Variants in KCTD8 observed in about 807,000 individuals in gnomAD.
KCTD8 encodes BTB/POZ domain-containing protein KCTD8.
A neutral mutation model predicts 31.5 loss-of-function variants in KCTD8; 27 were observed. That is an observed-to-expected ratio of 0.86 (90% CI 0.63 to 1.18). The LOEUF (loss-of-function observed/expected upper bound fraction) is 1.18, where lower values mean the gene tolerates loss of function less well. Ranked by LOEUF, KCTD8 falls within the 50% of genes most tolerant of loss-of-function variation. KCTD8 has a pLI of 0.00. For synonymous variants in KCTD8, 290 were observed against 280.0 expected, an observed-to-expected ratio of 1.04 and a Z score of -0.36; for missense variants, 658 against 647.7, an observed-to-expected ratio of 1.02 and a Z score of -0.17.
chr4:44,347,342 A>G (rs1719060632), intron 1 of KCTD8, among the ~76,000 whole-genome samples: 1 of 152,180 alleles, frequency 6.6e-6, no homozygotes, highest in African/African-American at 2.4e-5. Context: ...GTTCTTCAAT[A>G]TTACCAATGT....
intron 1 of KCTD8, among the ~76,000 whole-genome samples, chr4:44,304,099 G>A (rs1717727969): frequency 6.6e-6 from 1 of 152,052 alleles, no homozygotes; most frequent in Non-Finnish European, 1.5e-5. Context: ...TCCAACTTGA[G>A]ACACCAGAAT....
intron 1 of KCTD8, among the ~76,000 whole-genome samples, chr4:44,243,819 T>C (rs1441999844): frequency 1.3e-5 from 2 of 152,252 alleles, no homozygotes; most frequent in African/African-American, 4.8e-5. Context: ...TGGCTGGTGA[T>C]AGAAACATTT....
chr4:44,174,938 A>G lies in KCTD8; in HGVS notation c.1274T>C (p.Leu425Pro). 6.2e-7 allele frequency: 1 copy of G among 1,614,052 alleles called. No homozygotes were observed. Among genetic ancestry groups the G allele is most frequent in the Non-Finnish European group, 8.5e-7 (1 of 1,179,988 alleles). ...TLISKSRETNLSKKKVCEKLS... is the reference protein window; with the variant it reads ...TLISKSRETNPSKKKVCEKLS... The stretch of plus-strand genomic sequence containing the variant: ...CTTCTCACAGACTTTCTTTTTGGAC[A>G]GATTTGTTTCCCGGGACTTGCTGAT... The change falls in exon 2 of 2, where the codon CTG becomes CCG. Residue 425 changes from leucine (L) to proline (P), a missense_variant. Physicochemically the swap from Leu to Pro is moderately conservative, Grantham distance 98. Coordinates refer to ENST00000360029, the MANE Select transcript of KCTD8 (RefSeq NM_198353.3).
intron 1 of KCTD8, among the ~76,000 whole-genome samples, chr4:44,318,981 A>T (rs1718216693): frequency 6.6e-6 from 1 of 152,232 alleles, no homozygotes; most frequent in Non-Finnish European, 1.5e-5. Flanking sequence ...GTAAGATGGC[A>T]GGAAGGAGAA....
intron 1 of KCTD8, among the ~76,000 whole-genome samples, chr4:44,399,290 G>T (rs1720586579): frequency 6.6e-6 from 1 of 152,128 alleles, no homozygotes; most frequent in African/African-American, 2.4e-5. Context: ...ATTAGTGAAA[G>T]AATTCAGGCA....
chr4:44,327,312 G>C (rs1718475928), intron 1 of KCTD8, among the ~76,000 whole-genome samples: 1 of 151,774 alleles, frequency 6.6e-6, no homozygotes. Context: ...ACACATACTA[G>C]TCTCAGAATC....
intron 1 of KCTD8, among the ~76,000 whole-genome samples, chr4:44,270,046 T>C (rs1275988608): frequency 1.3e-5 from 2 of 152,130 alleles, no homozygotes; most frequent in African/African-American, 2.4e-5. Context: ...ACTGGGTATA[T>C]ACCCAAAGGA....
chr4:44,228,073 T>C (rs762604133), intron 1 of KCTD8, among the ~76,000 whole-genome samples: 69 of 152,290 alleles, frequency 4.5e-4, no homozygotes, highest in Non-Finnish European at 8.5e-4. Flanking sequence ...TGATTTGGCC[T>C]CATCTATCTT....
intron 1 of KCTD8, among the ~76,000 whole-genome samples, chr4:44,355,681 T>C (rs1719324050): frequency 6.6e-6 from 1 of 152,184 alleles, no homozygotes; most frequent in Non-Finnish European, 1.5e-5. Context: ...GTAGCGTATT[T>C]AGATAAACAG....
At chr4:44,269,096 C>G (rs1396710001) in intron 1 of KCTD8, among the ~76,000 whole-genome samples, 1 of 152,042 alleles carries the variant, frequency 6.6e-6, no homozygotes, top group Non-Finnish European at 1.5e-5. Context: ...AATCCTAAGC[C>G]AAAAGAACAA....
intron 1 of KCTD8, among the ~76,000 whole-genome samples, chr4:44,253,147 A>G (rs1294162437): frequency 6.6e-6 from 1 of 151,588 alleles, no homozygotes; most frequent in African/African-American, 2.4e-5. Flanking sequence ...TTCTTGTTCA[A>G]CTTCACTAGA....
intron 1 of KCTD8, among the ~76,000 whole-genome samples, chr4:44,251,135 T>C (rs536412539): frequency 6.6e-6 from 1 of 151,894 alleles, no homozygotes; most frequent in African/African-American, 2.4e-5. Flanking sequence ...CAACACTTAC[T>C]AGTCTTCCTA....
chr4:44,271,283 A>C (rs1369079694), intron 1 of KCTD8, among the ~76,000 whole-genome samples: 3 of 152,170 alleles, frequency 2.0e-5, no homozygotes, highest in Non-Finnish European at 4.4e-5. Flanking sequence ...ATCCTCTAGA[A>C]GGTATATTCA....
At chr4:44,281,481 A>T (rs1716904386) in intron 1 of KCTD8, among the ~76,000 whole-genome samples, 1 of 151,996 alleles carries the variant, frequency 6.6e-6, no homozygotes, top group Non-Finnish European at 1.5e-5. Flanking sequence ...TCTGGACACT[A>T]CTCTGAACAA....
At chr4:44,233,743 G>GA (rs1209709965) in intron 1 of KCTD8, among the ~76,000 whole-genome samples, 1 of 151,992 alleles carries the variant, frequency 6.6e-6, no homozygotes, top group Non-Finnish European at 1.5e-5. Flanking sequence ...ATTATTCTCT[G>GA]AAAAAGAAAA....
intron 1 of KCTD8, among the ~76,000 whole-genome samples, chr4:44,426,962 G>A (rs945216515): frequency 2.6e-5 from 4 of 151,560 alleles, no homozygotes; most frequent in African/African-American, 9.7e-5. Flanking sequence ...ATATGATAAA[G>A]TAAGATTTAT....
intron 1 of KCTD8, among the ~76,000 whole-genome samples, chr4:44,185,176 G>A (rs115477682): frequency 0.01 from 1,595 of 152,078 alleles, 16 homozygotes; most frequent in Middle Eastern, 0.027. Context: ...TAAACCATGC[G>A]CACATTCACC....
chr4:44,405,693 T>C (rs1239889983), intron 1 of KCTD8, among the ~76,000 whole-genome samples: 1 of 152,050 alleles, frequency 6.6e-6, no homozygotes, highest in Admixed American at 6.6e-5. Flanking sequence ...CCAAGAAAAT[T>C]GTGTTATCCA....
chr4:44,174,730 G>T lies in KCTD8; in HGVS notation c.*60C>A. ...CTGACCATTGTTAGGACATCAGTCA[G>T]GTGGTGACACTGTAGTAAACATTGA... On this transcript the variant is annotated 3_prime_UTR_variant, in exon 2 of 2. Coordinates refer to ENST00000360029, the MANE Select transcript of KCTD8 (RefSeq NM_198353.3). 1 of 1,259,292 alleles carries T rather than the reference G, an allele frequency of 7.9e-7. No homozygotes were observed. Among genetic ancestry groups the T allele is most frequent in the Non-Finnish European group, 1.1e-6 (1 of 890,816 alleles). 78.0% of individuals were successfully genotyped at this position (1,259,292 alleles called of 1,614,324 possible).
Sources: allele counts gnomAD v4.1 joint callset (sites outside exome capture counted in the v4.1 genomes callset), GRCh38; gene constraint gnomAD v4.1.1; transcripts MANE v1.5; gene names NCBI Gene and HGNC (gene_info 2026-07-23, HGNC 2026-07-21).